Variants in ENPP4 observed in about 807,000 individuals in gnomAD.
The protein encoded by ENPP4 is bis(5'-adenosyl)-triphosphatase ENPP4.
ENPP4 carries 18 observed loss-of-function variants against 33.4 expected under a neutral mutation model. That is an observed-to-expected ratio of 0.54 (90% CI 0.37 to 0.80). ENPP4 has a LOEUF of 0.80. Ranked by LOEUF, ENPP4 falls within the 30% of genes least tolerant of loss-of-function variation. The pLI, the probability that ENPP4 is intolerant of heterozygous loss-of-function variation, is 0.00. For synonymous variants in ENPP4, 172 were observed against 189.9 expected (o/e 0.91, Z 0.78); for missense variants, 480 against 541.7 (o/e 0.89, Z 1.13).
chr6:46,139,213 A>G (rs1299331369), intron 1 of ENPP4, among the ~76,000 whole-genome samples: 2 of 151,782 alleles, frequency 1.3e-5, no homozygotes, highest in African/African-American at 4.8e-5. Context: ...TGTTTTACAA[A>G]AGAATCATTT....
At chr6:46,138,853 C>G (rs1415881205) in intron 1 of ENPP4, among the ~76,000 whole-genome samples, 2 of 151,832 alleles carry the variant, frequency 1.3e-5, no homozygotes, top group African/African-American at 4.8e-5. Flanking sequence ...TTGTTGATAG[C>G]TAAAAGGAAG....
chr6:46,142,499 G>C (rs1764082424), intron 3 of ENPP4, among the ~76,000 whole-genome samples: 1 of 30,068 alleles, frequency 3.3e-5, no homozygotes, highest in South Asian at 7.3e-4. Flanking sequence ...ATATGTGTGT[G>C]TGTTTTAATA....
chr6:46,138,403 C>A (rs749498529), intron 1 of ENPP4, among the ~76,000 whole-genome samples: 1 of 151,966 alleles, frequency 6.6e-6, no homozygotes, highest in African/African-American at 2.4e-5. Context: ...GAAAACCAGT[C>A]AACTGTGTCA....
chr6:46,132,088 C>T (rs1373823326), intron 1 of ENPP4, among the ~76,000 whole-genome samples: 1 of 152,034 alleles, frequency 6.6e-6, no homozygotes, highest in African/African-American at 2.4e-5. Context: ...TGAAAATTTT[C>T]TCCCATTTTG....
chr6:46,140,466 G>C (rs899411170), intron 2 of ENPP4, 57 bp downstream of exon 2: 2 of 1,015,906 alleles, frequency 2.0e-6, no homozygotes, highest in East Asian at 4.9e-5. Flanking sequence ...TTGATTGAGG[G>C]GGGTGGGTTG....
chr6:46,139,415 TAAATG>T, intron 1 of ENPP4, 131 bp from the exon 2 acceptor site: 1 of 527,042 alleles, frequency 1.9e-6, no homozygotes, highest in Non-Finnish European at 3.3e-6. Context: ...TATTTTTAAA[TAAATG>T]GTATTATTTA....
chr6:46,143,546 G>A lies in ENPP4; in HGVS notation c.1268G>A (p.Cys423Tyr). The change falls in exon 4 of 4, where the codon TGC becomes TAC. Residue 423 changes from cysteine (C) to tyrosine (Y), a missense_variant. This residue lies in a region of ENPP4 where 249 missense variants were observed against 251.8 expected (regional missense o/e 0.99). Transcript: ENST00000321037. ...CTCTTGGTGTTAACCATGCTAACATGCCTCATAATAATCATGCAGAATAGA... is the reference window on the plus strand; with the variant it reads ...CTCTTGGTGTTAACCATGCTAACATACCTCATAATAATCATGCAGAATAGA... ...GSLLVLTMLTCLIIIMQNRLS... is the reference protein window; with the variant it reads ...GSLLVLTMLTYLIIIMQNRLS... 3 of 1,612,648 alleles carry A rather than the reference G, an allele frequency of 1.9e-6. No individual in the cohort carries two copies. Among genetic ancestry groups the A allele is most frequent in the Non-Finnish European group, 2.5e-6 (3 of 1,178,966 alleles).
Position 46,141,830 on chromosome 6 carries a change from T to C in ENPP4, c.997+608T>C, listed in dbSNP as rs558429756. On this transcript the variant is annotated intron_variant, in intron 3 of 3. Transcript: ENST00000321037. Reference sequence around the variant, plus strand: ...CAATTCAAATGCTTTTTTTAAAATCTAATTTTGTGGTCTATGGTAGGGGTC... The same window carrying C: ...CAATTCAAATGCTTTTTTTAAAATCCAATTTTGTGGTCTATGGTAGGGGTC... Among the ~76,000 whole-genome samples, 9 of 151,836 alleles carry C rather than the reference T, an allele frequency of 5.9e-5. No homozygotes were observed. The East Asian group carries it at 1.7e-3, about 29-fold the overall frequency.
chr6:46,132,679 C>T (rs971509625), intron 1 of ENPP4, among the ~76,000 whole-genome samples: 2 of 152,054 alleles, frequency 1.3e-5, no homozygotes, highest in Admixed American at 6.6e-5. Context: ...TAGTTTTTTC[C>T]AATTCTGTGA....
At chr6:46,137,195 A>G (rs1355563903) in intron 1 of ENPP4, among the ~76,000 whole-genome samples, 1 of 151,876 alleles carries the variant, frequency 6.6e-6, no homozygotes. Context: ...GTGCAGTGGG[A>G]TAGGATTGGT....
At chr6:46,135,169 A>G (rs1581953910) in intron 1 of ENPP4, among the ~76,000 whole-genome samples, 1 of 152,052 alleles carries the variant, frequency 6.6e-6, no homozygotes, top group East Asian at 1.9e-4. Context: ...GTGTGGACAT[A>G]TGTTTTCATT....
intron 1 of ENPP4, among the ~76,000 whole-genome samples, chr6:46,131,192 G>T (rs1220229860): frequency 1.3e-5 from 2 of 151,868 alleles, no homozygotes; most frequent in South Asian, 2.1e-4. Flanking sequence ...AAGTTTTAGG[G>T]TACATGTGCA....
In ENPP4 at chr6:46,143,263, T is replaced by G. The variant is rs886760432; in HGVS notation, c.998-13T>G. The G allele has an allele frequency of 8.4e-6, 13 of 1,549,232 alleles. No homozygotes were observed. The highest frequency in any genetic ancestry group is 1.0e-5 in the Non-Finnish European group (12 of 1,145,776). On this transcript the variant is annotated splice_polypyrimidine_tract_variant and intron_variant, in intron 3 of 3. Transcript: ENST00000321037. Reference sequence around the variant, plus strand: ...CTGATCTTATTGACTGATGTTGTTTTGTTCTTTTTCAGTAGGTGACCATGG... The same window carrying G: ...CTGATCTTATTGACTGATGTTGTTTGGTTCTTTTTCAGTAGGTGACCATGG...
intron 3 of ENPP4, among the ~76,000 whole-genome samples, chr6:46,141,938 C>G (rs1406262350): frequency 6.6e-6 from 1 of 151,542 alleles, no homozygotes; most frequent in African/African-American, 2.4e-5. Context: ...CTACTCTACT[C>G]TGCCTTTATT....
chr6:46,142,767 C>T lies in ENPP4; in HGVS notation c.998-509C>T, dbSNP rs186568386. ...GACTATCATATGCTTTTCTTTAAGT[C>T]TAACTTTTACTGGGATAGAGTCACC... On this transcript the variant is annotated intron_variant, in intron 3 of 3. Coordinates refer to ENST00000321037, the MANE Select transcript of ENPP4 (RefSeq NM_014936.5). Among the ~76,000 whole-genome samples, 12 of 151,704 alleles carry T rather than the reference C, an allele frequency of 7.9e-5. No individual in the cohort carries two copies. The East Asian group carries it at 2.3e-3, about 29-fold the overall frequency.
intron 3 of ENPP4, among the ~76,000 whole-genome samples, chr6:46,142,392 A>AATGTATATTATATATTATATATT (rs1764078034): frequency 1.2e-5 from 1 of 83,638 alleles, no homozygotes; most frequent in Non-Finnish European, 2.4e-5. Context: ...TATTATATAT[A>AATGTATATTATATATTATATATT]ATATATAATT....
At chr6:46,132,635 C>G (rs893202314) in intron 1 of ENPP4, among the ~76,000 whole-genome samples, 10 of 152,026 alleles carry the variant, frequency 6.6e-5, no homozygotes, top group Non-Finnish European at 1.2e-4. Flanking sequence ...CTTGGCGATG[C>G]GGGCTCTTTT....
chr6:46,133,880 G>A (rs546055585), intron 1 of ENPP4, among the ~76,000 whole-genome samples: 5 of 152,258 alleles, frequency 3.3e-5, no homozygotes, highest in African/African-American at 1.2e-4. Flanking sequence ...CTATCAGGAA[G>A]AGTTCTGTTA....
chr6:46,145,779 C>A lies in ENPP4; in HGVS notation c.*2139C>A, dbSNP rs1456529289. On this transcript the variant is annotated 3_prime_UTR_variant, in exon 4 of 4. Transcript: ENST00000321037. ...ACCTATTTGTCTTTCCTTACGTTCT[C>A]AAAATATTAACTCGAATTGTAAATT... 6.6e-6 allele frequency: 1 copy of A among 151,708 alleles called. No individual in the cohort carries two copies. The highest frequency in any genetic ancestry group is 6.6e-5 in the Admixed American group (1 of 15,158). 9.4% of individuals were successfully genotyped at this position (151,708 alleles called of 1,614,324 possible).
Sources: gnomAD v4.1 joint callset for allele counts (sites outside exome capture counted in the v4.1 genomes callset) on GRCh38, gnomAD v4.1.1 for gene constraint, gnomAD v4.1.1 regional missense constraint, MANE v1.5 for transcripts, NCBI Gene and HGNC (gene_info 2026-07-23, HGNC 2026-07-21) for gene names.